The following TRHDE variants were observed in gnomAD, a reference collection of about 807,000 sequenced individuals.
The protein encoded by TRHDE is thyrotropin-releasing hormone-degrading ectoenzyme.
TRHDE carries 72 observed loss-of-function variants against 125.7 expected under a neutral mutation model. The ratio of observed to expected loss-of-function variants is 0.57; its 90% CI spans 0.47 to 0.70. TRHDE has a LOEUF of 0.70. TRHDE is among the 30% of genes least tolerant of loss of function. TRHDE has a pLI of 0.00. For missense variants in TRHDE, 1,110 were observed against 1,327.1 expected, an observed-to-expected ratio of 0.84 and a Z score of 2.54; for synonymous variants, 509 against 509.1, an observed-to-expected ratio of 1.00 and a Z score of 0.00.
Position 72,384,617 on chromosome 12 carries a change from G to C in TRHDE, c.1315+6496G>C, listed in dbSNP as rs545784307. ...GAGAGAAGAGGCCATTTTGAGAATT[G>C]TATAGTAGGAAAGTCCATGAATACC... On this transcript the variant is annotated intron_variant, in intron 3 of 18. Coordinates refer to ENST00000261180, the MANE Select transcript of TRHDE (RefSeq NM_013381.3). Among the ~76,000 whole-genome samples, 12 of 152,202 alleles carry C rather than the reference G, an allele frequency of 7.9e-5. 1 individual carries two copies. The South Asian group carries it at 2.1e-3, about 26-fold the overall frequency.
At chr12:72,277,719 C>T (rs1280062917) in intron 1 of TRHDE, among the ~76,000 whole-genome samples, 5 of 152,148 alleles carry the variant, frequency 3.3e-5, no homozygotes, top group Non-Finnish European at 7.4e-5. Context: ...TAATGACTCA[C>T]TCAGGGAGAA....
intron 12 of TRHDE, among the ~76,000 whole-genome samples, chr12:72,583,302 CAGCCTTTCTAACCGGTATA>C: frequency 6.6e-6 from 1 of 152,346 alleles, no homozygotes; most frequent in South Asian, 2.1e-4. Flanking sequence ...GTTATCCTCT[CAGCCTTTCTAACCGGTATA>C]AGTTGTTCCA....
At chr12:72,620,208 C>T (rs1872986844) in intron 13 of TRHDE, among the ~76,000 whole-genome samples, 1 of 151,876 alleles carries the variant, frequency 6.6e-6, no homozygotes, top group South Asian at 2.1e-4. Flanking sequence ...ATGTCAGATT[C>T]CTTGTTTTCA....
intron 2 of TRHDE, among the ~76,000 whole-genome samples, chr12:72,315,583 C>G (rs1285879319): frequency 6.6e-6 from 1 of 152,194 alleles, no homozygotes; most frequent in Non-Finnish European, 1.5e-5. Context: ...CACTTTCTCT[C>G]TGTACCTGAG....
chr12:72,527,401 A>G (rs1868354128), intron 6 of TRHDE, among the ~76,000 whole-genome samples: 1 of 152,162 alleles, frequency 6.6e-6, no homozygotes, highest in Non-Finnish European at 1.5e-5. Context: ...CGCATAAAGA[A>G]TTCGATTTAG....
intron 3 of TRHDE, among the ~76,000 whole-genome samples, chr12:72,447,765 G>A (rs1294648341): frequency 6.6e-6 from 1 of 152,006 alleles, no homozygotes; most frequent in Non-Finnish European, 1.5e-5. Context: ...TGCACTCCTA[G>A]AGCCTCAGAG....
chr12:72,599,875 T>C (rs1366486220), intron 12 of TRHDE, among the ~76,000 whole-genome samples: 6 of 151,974 alleles, frequency 3.9e-5, no homozygotes, highest in Non-Finnish European at 1.5e-5. Context: ...AGAGTTTGAG[T>C]TCTTACATTT....
intron 2 of TRHDE, among the ~76,000 whole-genome samples, chr12:72,244,720 C>T (rs1878542993): frequency 6.6e-6 from 1 of 151,672 alleles, no homozygotes; most frequent in Non-Finnish European, 1.5e-5. Flanking sequence ...TTAAACATAA[C>T]AATATATTAC....
chr12:72,117,586 T>C (rs1875476647), intron 2 of TRHDE, among the ~76,000 whole-genome samples: 1 of 152,134 alleles, frequency 6.6e-6, no homozygotes, highest in Non-Finnish European at 1.5e-5. Context: ...GTATAAATTT[T>C]AGGATTGTTT....
intron 2 of TRHDE, among the ~76,000 whole-genome samples, chr12:72,335,552 C>T (rs1809172831): frequency 6.6e-6 from 1 of 152,184 alleles, no homozygotes; most frequent in South Asian, 2.1e-4. Flanking sequence ...CCTCTCTGCA[C>T]ACACACAATC....
intron 12 of TRHDE, among the ~76,000 whole-genome samples, chr12:72,592,950 C>T (rs1460257385): frequency 4.6e-5 from 7 of 152,020 alleles, no homozygotes; most frequent in South Asian, 2.1e-4. Flanking sequence ...TGACCTCAGG[C>T]GATCCACCAG....
chr12:72,536,742 A>G (rs1266723991), intron 6 of TRHDE, among the ~76,000 whole-genome samples: 1 of 152,092 alleles, frequency 6.6e-6, no homozygotes, highest in East Asian at 1.9e-4. Context: ...TGAACCTGCC[A>G]TAAAGAAGCT....
chr12:72,524,308 A>G (rs1202429975), intron 6 of TRHDE, among the ~76,000 whole-genome samples: 2 of 152,190 alleles, frequency 1.3e-5, no homozygotes, highest in Admixed American at 6.5e-5. Flanking sequence ...ATATTGGTAG[A>G]GTAAAATAAT....
chr12:72,324,466 T>TA (rs113923023), intron 2 of TRHDE, among the ~76,000 whole-genome samples: 3 of 151,986 alleles, frequency 2.0e-5, no homozygotes, highest in African/African-American at 7.2e-5. Context: ...TCATGAAGGA[T>TA]ATAAAAAGGA....
At chr12:72,591,632 G>GT (rs71071842) in intron 12 of TRHDE, among the ~76,000 whole-genome samples, 3,488 of 125,400 alleles carry the variant, frequency 0.028, 83 homozygotes, top group Admixed American at 0.051. Flanking sequence ...AAGGATATGG[G>GT]TTTTTTTTTT....
intron 2 of TRHDE, among the ~76,000 whole-genome samples, chr12:72,149,481 T>C (rs1287283987): frequency 1.3e-5 from 2 of 152,172 alleles, no homozygotes; most frequent in Non-Finnish European, 2.9e-5. Flanking sequence ...AAAATTTCAC[T>C]AGTTTCTCTA....
chr12:72,156,526 C>T (rs560319921), intron 2 of TRHDE, among the ~76,000 whole-genome samples: 7 of 152,102 alleles, frequency 4.6e-5, no homozygotes, highest in Non-Finnish European at 1.0e-4. Context: ...CCTATGCGGC[C>T]ATCTTGGCTC....
chr12:72,373,563 T>G (rs898814818), intron 2 of TRHDE, among the ~76,000 whole-genome samples: 1 of 152,148 alleles, frequency 6.6e-6, no homozygotes, highest in African/African-American at 2.4e-5. Context: ...GCAAAATGAA[T>G]AAATAAAACT....
intron 2 of TRHDE, among the ~76,000 whole-genome samples, chr12:72,236,346 T>G (rs1878337133): frequency 6.6e-6 from 1 of 152,114 alleles, no homozygotes; most frequent in Admixed American, 6.6e-5. Context: ...GTAAAGCAGT[T>G]CAATCACATC....
Sources: gnomAD v4.1 joint callset for allele counts (sites outside exome capture counted in the v4.1 genomes callset) on GRCh38, gnomAD v4.1.1 for gene constraint, MANE v1.5 for transcripts, NCBI Gene and HGNC (gene_info 2026-07-23, HGNC 2026-07-21) for gene names.